Variants in FASTKD2 observed in about 807,000 individuals in gnomAD.
FASTKD2 encodes FAST kinase domains 2, also known as FAST kinase domain-containing protein 2, mitochondrial.
Under a neutral mutation model 63.6 loss-of-function variants are expected in FASTKD2, and 51 were observed. The observed-to-expected ratio is 0.80, with a 90% CI of 0.64 to 1.01. The LOEUF (loss-of-function observed/expected upper bound fraction) is 1.01. Among genes scored for constraint, FASTKD2 ranks in the 50% least tolerant of loss-of-function variants. FASTKD2 has a pLI of 0.00. For missense variants in FASTKD2, 786 were observed against 831.1 expected, an observed-to-expected ratio of 0.95 and a Z score of 0.67; for synonymous variants, 284 against 293.4, an observed-to-expected ratio of 0.97 and a Z score of 0.33.
intron 7 of FASTKD2, among the ~76,000 whole-genome samples, chr2:206,775,110 A>G (rs1689788001): frequency 1.3e-5 from 2 of 152,164 alleles, no homozygotes; most frequent in African/African-American, 4.8e-5. Context: ...ATTCCATTAT[A>G]TGTATATATC....
At chr2:206,790,435 G>A in intron 10 of FASTKD2, 137 bp from the exon 11 acceptor site, 1 of 690,188 alleles carries the variant, frequency 1.4e-6, no homozygotes. Context: ...AGTAAAAGAA[G>A]TGAAGGACTA....
chr2:206,765,881 C>T (rs1689429812), intron 1 of FASTKD2, 134 bp downstream of exon 1: 1 of 152,310 alleles, frequency 6.6e-6, no homozygotes, highest in Non-Finnish European at 1.5e-5. Flanking sequence ...CACGTGCAGA[C>T]ATCGCTTTCG....
chr2:206,773,316 CA>C (rs869141094), intron 6 of FASTKD2, among the ~76,000 whole-genome samples: 5,429 of 68,136 alleles, frequency 0.08, 133 homozygotes, highest in African/African-American at 0.14. Context: ...AACTCTGTCT[CA>C]AAAAAAAAAA....
chr2:206,790,790 G>T (rs1574676937), intron 11 of FASTKD2, 104 bp downstream of exon 11: 2 of 777,328 alleles, frequency 2.6e-6, no homozygotes, highest in East Asian at 4.9e-5. Flanking sequence ...TAGAGGAATT[G>T]TCAGCATTAT....
In FASTKD2 at chr2:206,792,099, T is replaced by C. The variant is rs1269846869; in HGVS notation, c.*297T>C. 1 of 386,462 alleles carries C rather than the reference T, an allele frequency of 2.6e-6. No homozygotes were observed. The highest frequency in any genetic ancestry group is 6.2e-5 in the East Asian group (1 of 16,216). 23.9% of individuals were successfully genotyped at this position (386,462 alleles called of 1,614,324 possible). A position where few individuals can be genotyped will look rare whatever the true frequency, so the allele number is the denominator to read the frequency against. On this transcript the variant is annotated 3_prime_UTR_variant, in exon 12 of 12. Transcript: ENST00000402774. ...CTTTGATCTACTAAAAACTGGTTTC[T>C]TAGTTGTGAGGTGTCACAGGCAGGT...
chr2:206,772,712 A>G (rs1475222499), intron 6 of FASTKD2, among the ~76,000 whole-genome samples: 2 of 151,942 alleles, frequency 1.3e-5, no homozygotes, highest in Admixed American at 6.6e-5. Context: ...AGGGTAAACA[A>G]TGCATATTGT....
At chr2:206,778,900 C>T (rs570098183) in intron 7 of FASTKD2, among the ~76,000 whole-genome samples, 1 of 152,264 alleles carries the variant, frequency 6.6e-6, no homozygotes, top group Admixed American at 6.5e-5. Context: ...AAACACCCCC[C>T]TATGCCCAGT....
chr2:206,774,873 AAACTTT>A (rs1415623518), intron 7 of FASTKD2, among the ~76,000 whole-genome samples: 5 of 152,112 alleles, frequency 3.3e-5, no homozygotes, highest in Admixed American at 6.5e-5. Context: ...TGCATAACTG[AAACTTT>A]ATACCTGTTG....
chr2:206,786,584 G>T (rs1690143115), intron 7 of FASTKD2, 149 bp from the exon 8 acceptor site: 2 of 744,394 alleles, frequency 2.7e-6, no homozygotes, highest in South Asian at 1.5e-5. Context: ...TTTATTGAAT[G>T]TATACACTTA....
intron 2 of FASTKD2, among the ~76,000 whole-genome samples, chr2:206,769,550 T>C (rs1475021225): frequency 6.6e-6 from 1 of 152,216 alleles, no homozygotes; most frequent in Non-Finnish European, 1.5e-5. Flanking sequence ...GGTGTAGGCT[T>C]CCCTTGAGAC....
Position 206,794,293 on chromosome 2 carries a change from C to T in FASTKD2, c.*2491C>T, listed in dbSNP as rs1057406715. Among the ~76,000 whole-genome samples the T allele has an allele frequency of 2.6e-5, 4 of 152,056 alleles. No individual in the cohort carries two copies. The highest frequency in any genetic ancestry group is 2.6e-4 in the Admixed American group (4 of 15,262). ...TAAATGCTCATTTTGTGTGAGATAT[C>T]CAAATATTTTTTTCAGAATCCCTAA... On this transcript the variant is annotated 3_prime_UTR_variant, in exon 12 of 12. Coordinates refer to ENST00000402774, the MANE Select transcript of FASTKD2 (RefSeq NM_001136193.2).
At chr2:206,777,247 T>C (rs1689847092) in intron 7 of FASTKD2, among the ~76,000 whole-genome samples, 1 of 152,192 alleles carries the variant, frequency 6.6e-6, no homozygotes, top group African/African-American at 2.4e-5. Flanking sequence ...CATCCTTGTC[T>C]TGTTCCTGGT....
chr2:206,771,703 G>A (rs1330660429), intron 4 of FASTKD2, among the ~76,000 whole-genome samples, 191 bp from the exon 5 acceptor site: 1 of 151,210 alleles, frequency 6.6e-6, no homozygotes, highest in Non-Finnish European at 1.5e-5. Flanking sequence ...CAGGCGTGGT[G>A]GTACATGCCT....
intron 7 of FASTKD2, among the ~76,000 whole-genome samples, chr2:206,785,894 C>T (rs890807096): frequency 2.0e-5 from 3 of 152,190 alleles, no homozygotes; most frequent in Admixed American, 1.3e-4. Flanking sequence ...AAACACTCCT[C>T]TGTACCTTCA....
chr2:206,772,522 G>A (rs1054498905), intron 6 of FASTKD2, among the ~76,000 whole-genome samples: 4 of 152,178 alleles, frequency 2.6e-5, no homozygotes, highest in African/African-American at 9.7e-5. Flanking sequence ...AACTTAGGAT[G>A]GCTTGACTTA....
At chr2:206,778,859 C>A (rs1358176119) in intron 7 of FASTKD2, among the ~76,000 whole-genome samples, 1 of 152,116 alleles carries the variant, frequency 6.6e-6, no homozygotes, top group Non-Finnish European at 1.5e-5. Flanking sequence ...CTCTAGGTTG[C>A]GTGCTCCTTA....
chr2:206,770,252 A>G, intron 3 of FASTKD2, 58 bp downstream of exon 3: 1 of 1,138,034 alleles, frequency 8.8e-7, no homozygotes, highest in Non-Finnish European at 1.3e-6. Context: ...TATATCTGGA[A>G]TAAAAAAATT....
intron 2 of FASTKD2, among the ~76,000 whole-genome samples, 169 bp downstream of exon 2, chr2:206,767,639 GC>G: frequency 7.8e-6 from 1 of 127,994 alleles, no homozygotes; most frequent in East Asian, 4.4e-4. Flanking sequence ...CCTTAAGTTA[GC>G]TATTTTCTTC....
chr2:206,781,753 AGAT>A (rs1399859034), intron 7 of FASTKD2, among the ~76,000 whole-genome samples: 1 of 149,404 alleles, frequency 6.7e-6, no homozygotes, highest in Non-Finnish European at 1.5e-5. Context: ...TCGGGGACAT[AGAT>A]GCTCCTCTCC....
Sources: allele counts gnomAD v4.1 joint callset (sites outside exome capture counted in the v4.1 genomes callset), GRCh38; gene constraint gnomAD v4.1.1; transcripts MANE v1.5; gene names NCBI Gene and HGNC (gene_info 2026-07-23, HGNC 2026-07-21).